MIR2052HG: variants seen among roughly 807,000 people sequenced by gnomAD.
The protein encoded by MIR2052HG is MIR2052 host gene.
At chr8:74,687,317 C>T (rs1247076065) in intron 2 of MIR2052HG, among the ~76,000 whole-genome samples, 1 of 152,034 alleles carries the variant, frequency 6.6e-6, no homozygotes, top group Non-Finnish European at 1.5e-5. Context: ...AAGGAACTAC[C>T]ATATGATCCA....
intron 2 of MIR2052HG, among the ~76,000 whole-genome samples, chr8:74,693,232 A>G (rs2128740101): frequency 6.6e-6 from 1 of 152,328 alleles, no homozygotes; most frequent in Non-Finnish European, 1.5e-5. Context: ...TAGCCAAGTG[A>G]AATACATGGC....
intron 4 of MIR2052HG, among the ~76,000 whole-genome samples, chr8:74,735,596 C>T (rs1053072019): frequency 4.6e-5 from 7 of 152,168 alleles, no homozygotes; most frequent in Non-Finnish European, 1.0e-4. Context: ...TGTGAGGCTG[C>T]CTGAACCCAA....
In MIR2052HG at chr8:74,739,369, C is replaced by T. The variant is rs141751731; in HGVS notation, n.372-13072C>T. Among the ~76,000 whole-genome samples the T allele has an allele frequency of 4.3e-3, 654 of 152,272 alleles. 19 individuals carry two copies. Among genetic ancestry groups the T allele is most frequent in the Admixed American group, 0.039 (590 of 15,276 alleles). Reference sequence around the variant, plus strand: ...GTGGAATTCTTACCATATGAACGTTCCCCAGGGTTTTTGTAAGCCTCTTTA... The same window carrying T: ...GTGGAATTCTTACCATATGAACGTTTCCCAGGGTTTTTGTAAGCCTCTTTA... On this transcript the variant is annotated intron_variant and non_coding_transcript_variant, in intron 4 of 6. Coordinates refer to ENST00000523442, the Ensembl canonical transcript of MIR2052HG.
intron 2 of MIR2052HG, among the ~76,000 whole-genome samples, chr8:74,702,131 T>A (rs1165048905): frequency 6.6e-6 from 1 of 152,054 alleles, no homozygotes; most frequent in African/African-American, 2.4e-5. Flanking sequence ...TTAGGAACTT[T>A]CCATCATTAC....
At chr8:74,725,523 G>A (rs1054497572) in intron 4 of MIR2052HG, among the ~76,000 whole-genome samples, 1 of 152,174 alleles carries the variant, frequency 6.6e-6, no homozygotes, top group Non-Finnish European at 1.5e-5. Context: ...CAACTCAGGT[G>A]CTTCTCATAG....
At chr8:74,676,832 GGTGATGAATAATAT>G (rs1809058545) in intron 2 of MIR2052HG, among the ~76,000 whole-genome samples, 1 of 151,912 alleles carries the variant, frequency 6.6e-6, no homozygotes, top group Non-Finnish European at 1.5e-5. Flanking sequence ...AACTATGAGA[GGTGATGAATAATAT>G]GTTAATTAGC....
chr8:74,618,263 T>C (rs1236470697), intron 2 of MIR2052HG, among the ~76,000 whole-genome samples: 1 of 152,240 alleles, frequency 6.6e-6, no homozygotes, highest in Non-Finnish European at 1.5e-5. Context: ...TGCCCAATTT[T>C]ATTTTTTAAT....
chr8:74,645,306 A>G (rs1490891127), intron 2 of MIR2052HG, among the ~76,000 whole-genome samples: 1 of 149,606 alleles, frequency 6.7e-6, no homozygotes, highest in African/African-American at 2.5e-5. Flanking sequence ...TTTTTTTGAG[A>G]CGGAGTTTTG....
chr8:74,690,604 T>C (rs1359494401), intron 2 of MIR2052HG, among the ~76,000 whole-genome samples: 3 of 151,648 alleles, frequency 2.0e-5, no homozygotes, highest in African/African-American at 7.3e-5. Context: ...CGAGCCGAGA[T>C]CGCACCACTG....
chr8:74,619,963 T>A (rs1808338235), intron 2 of MIR2052HG, among the ~76,000 whole-genome samples: 1 of 152,156 alleles, frequency 6.6e-6, no homozygotes, highest in African/African-American at 2.4e-5. Flanking sequence ...TATGAGCCTG[T>A]AAAATCAAAA....
At chr8:74,703,590 TG>T in intron 3 of MIR2052HG, 1 of 449,034 alleles carries the variant, frequency 2.2e-6, no homozygotes. Context: ...AGCTATATTC[TG>T]CTATTGTTTT....
At chr8:74,642,826 A>C (rs541607615) in intron 2 of MIR2052HG, among the ~76,000 whole-genome samples, 4 of 152,296 alleles carry the variant, frequency 2.6e-5, no homozygotes, top group African/African-American at 9.6e-5. Flanking sequence ...CATGGTTCCC[A>C]TCATCTACTT....
At chr8:74,752,567 C>T (rs2128756846) in intron 5 of MIR2052HG, 1 of 451,972 alleles carries the variant, frequency 2.2e-6, no homozygotes, top group Non-Finnish European at 4.4e-6. Context: ...TCTGACTTTT[C>T]AGCTCTTTTC....
chr8:74,658,389 CT>C (rs58119023), intron 2 of MIR2052HG, among the ~76,000 whole-genome samples: 29,986 of 144,918 alleles, frequency 0.21, 4,400 homozygotes, highest in African/African-American at 0.44. Context: ...CTCTCGCTCT[CT>C]TTTTTTTTTT....
intron 2 of MIR2052HG, among the ~76,000 whole-genome samples, chr8:74,644,216 C>G (rs936795280): frequency 6.6e-6 from 1 of 152,186 alleles, no homozygotes. Context: ...TCATGAGCCA[C>G]ATAATGACGT....
chr8:74,693,488 G>T (rs1489625759), intron 2 of MIR2052HG, among the ~76,000 whole-genome samples: 1 of 151,996 alleles, frequency 6.6e-6, no homozygotes, highest in East Asian at 1.9e-4. Context: ...CAGGTGGTGG[G>T]CAGGATTCCT....
At chr8:74,624,819 G>A (rs78374654) in intron 2 of MIR2052HG, among the ~76,000 whole-genome samples, 6,474 of 152,192 alleles carry the variant, frequency 0.043, 227 homozygotes, top group Non-Finnish European at 0.053. Context: ...ATTCTGTATA[G>A]TTTTCTCACT....
intron 4 of MIR2052HG, among the ~76,000 whole-genome samples, chr8:74,717,118 C>G (rs1299893480): frequency 6.6e-6 from 1 of 152,026 alleles, no homozygotes; most frequent in African/African-American, 2.4e-5. Flanking sequence ...CTTTAATTCC[C>G]ACATGCTTTA....
In MIR2052HG at chr8:74,724,827, C is replaced by T. The variant is rs553572819; in HGVS notation, n.371+21145C>T. ...ATGGATTCAGAATTCTAGCATCATGCCCACCATCTCAACACTGTATTATGG... is the reference window on the plus strand; with the variant it reads ...ATGGATTCAGAATTCTAGCATCATGTCCACCATCTCAACACTGTATTATGG... On this transcript the variant is annotated intron_variant and non_coding_transcript_variant, in intron 4 of 6. Coordinates refer to ENST00000523442, the Ensembl canonical transcript of MIR2052HG. Among the ~76,000 whole-genome samples, 10 of 152,282 alleles carry T rather than the reference C, an allele frequency of 6.6e-5. No homozygotes were observed. In the South Asian group the frequency reaches 2.1e-3, roughly 32 times the overall value.
Sources: allele counts gnomAD v4.1 joint callset (sites outside exome capture counted in the v4.1 genomes callset), GRCh38; gene constraint gnomAD v4.1.1; transcripts MANE v1.5; gene names NCBI Gene and HGNC (gene_info 2026-07-23, HGNC 2026-07-21).